The following KLHL13 variants were observed in gnomAD, a reference collection of about 807,000 sequenced individuals.
KLHL13 encodes the protein kelch like family member 13.
In KLHL13, 10 loss-of-function variants were observed where a neutral mutation model predicts 37.1. The observed-to-expected ratio is 0.27, with a 90% CI of 0.17 to 0.46. The LOEUF is 0.46. KLHL13 is among the 20% of genes least tolerant of loss of function. The pLI, the probability that KLHL13 is intolerant of heterozygous loss-of-function variation, is 1.00. For synonymous variants in KLHL13, 163 were observed against 181.2 expected, an observed-to-expected ratio of 0.90 and a Z score of 0.81; for missense variants, 360 against 509.3, an observed-to-expected ratio of 0.71 and a Z score of 2.82.
At chrX:117,987,343 T>C (rs991357436) in intron 1 of KLHL13, among the ~76,000 whole-genome samples, 2 of 111,465 alleles carry the variant, frequency 1.8e-5, no homozygotes, top group Non-Finnish European at 3.8e-5. Flanking sequence ...TGCTTGGGTA[T>C]AGAAGGTTTA....
rs145563655 is a variant in KLHL13, at chrX:117,917,389, G to A, written c.570+2132C>T. ...GAAGCCTCTTCTCCATTAGAAATAG[G>A]TTTTAGGATGTCTGCAAAGGATGCA... On this transcript the variant is annotated intron_variant, in intron 4 of 6. Coordinates refer to ENST00000262820, the Ensembl canonical transcript of KLHL13. 9.9e-3 allele frequency among the ~76,000 whole-genome samples: 1,013 copies of A among 102,091 alleles called. 3 individuals are homozygous for A. Among genetic ancestry groups the A allele is most frequent in the Middle Eastern group, 0.02 (4 of 203 alleles). The allele number at this position is 102,091 out of a possible 115,157, so 88.7% of individuals were successfully genotyped here.
chrX:118,017,897 A>G (rs2054145652), intron 1 of KLHL13, among the ~76,000 whole-genome samples: 1 of 111,752 alleles, frequency 8.9e-6, no homozygotes, highest in Admixed American at 9.5e-5. Flanking sequence ...TGGAAGACTG[A>G]AACTCTGTCA....
chrX:118,025,980 C>T (rs2054271267), intron 1 of KLHL13, among the ~76,000 whole-genome samples: 1 of 111,779 alleles, frequency 8.9e-6, no homozygotes, highest in South Asian at 3.8e-4. Context: ...GGATTCGGTA[C>T]TATCCTCAGT....
At chrX:117,999,460 G>A (rs930465798) in intron 1 of KLHL13, among the ~76,000 whole-genome samples, 8 of 110,322 alleles carry the variant, frequency 7.3e-5, no homozygotes, top group Non-Finnish European at 1.5e-4. Context: ...ACCAAATACC[G>A]CATGTTCTCA....
At chrX:117,972,969 G>C (rs41312749) in exon 1 of KLHL13, 1 of 1,073,023 alleles carries the variant, frequency 9.3e-7, no homozygotes. Context: ...CCCTTAAACC[G>C]ATGCTTCCAA....
intron 1 of KLHL13, among the ~76,000 whole-genome samples, chrX:117,965,019 G>GCCT (rs1171006731): frequency 2.7e-5 from 3 of 111,680 alleles, no homozygotes; most frequent in Non-Finnish European, 5.6e-5. Flanking sequence ...TCAAGTCTTT[G>GCCT]CTATTGTGAA....
chrX:118,057,065 G>T (rs775325216), intron 1 of KLHL13, among the ~76,000 whole-genome samples: 1 of 111,644 alleles, frequency 9.0e-6, no homozygotes, highest in Non-Finnish European at 1.9e-5. Context: ...AATCACAGCA[G>T]AACAAAGCTG....
At chrX:117,943,307 G>C (rs1410217236) in intron 2 of KLHL13, among the ~76,000 whole-genome samples, 2 of 110,643 alleles carry the variant, frequency 1.8e-5, no homozygotes, top group African/African-American at 6.6e-5. Flanking sequence ...ATGTGTTTTG[G>C]GGTTGCTCTT....
chrX:117,992,716 C>T (rs1047025962), intron 1 of KLHL13, among the ~76,000 whole-genome samples: 2 of 110,764 alleles, frequency 1.8e-5, no homozygotes, highest in African/African-American at 6.6e-5. Flanking sequence ...AGTTCTAAAT[C>T]AAGCTCTACC....
intron 1 of KLHL13, among the ~76,000 whole-genome samples, chrX:118,115,930 T>C (rs1478851389): frequency 8.9e-6 from 1 of 112,062 alleles, no homozygotes; most frequent in Non-Finnish European, 1.9e-5. Context: ...TCCAAGAAAA[T>C]CATTAGTCAA....
At chrX:118,018,333 C>G (rs148124606) in intron 1 of KLHL13, among the ~76,000 whole-genome samples, 1,319 of 111,763 alleles carry the variant, frequency 0.012, 20 homozygotes, top group African/African-American at 0.04. Context: ...TAGAAGAACT[C>G]ATCACTTTTC....
chrX:117,932,583 G>A (rs1052905057), intron 2 of KLHL13, among the ~76,000 whole-genome samples: 1 of 111,766 alleles, frequency 8.9e-6, no homozygotes, highest in Admixed American at 9.5e-5. Context: ...ATATATAGAT[G>A]TAGATATAAA....
At chrX:118,092,585 G>C (rs1389051151) in intron 1 of KLHL13, among the ~76,000 whole-genome samples, 1 of 111,794 alleles carries the variant, frequency 8.9e-6, no homozygotes, top group Admixed American at 9.5e-5. Context: ...TGATAAAAGA[G>C]GGTATCTTGG....
chrX:117,927,734 T>C (rs2147732537), intron 2 of KLHL13, among the ~76,000 whole-genome samples: 1 of 111,979 alleles, frequency 8.9e-6, no homozygotes, highest in South Asian at 3.7e-4. Flanking sequence ...CCCCAAAAGC[T>C]TACAGATCAT....
At chrX:117,903,179 CGAGAGAGA>C (rs56692141) in intron 5 of KLHL13, among the ~76,000 whole-genome samples, 2,685 of 92,302 alleles carry the variant, frequency 0.029, 103 homozygotes, top group African/African-American at 0.11. Flanking sequence ...GAGAGGAGAG[CGAGAGAGA>C]GAGAGAGAGA....
chrX:118,030,405 T>C (rs960358262), intron 1 of KLHL13, among the ~76,000 whole-genome samples: 2 of 112,178 alleles, frequency 1.8e-5, no homozygotes, highest in Non-Finnish European at 3.8e-5. Flanking sequence ...AAAATCTATA[T>C]CTAGATTACT....
chrX:117,949,937 A>C (rs759322498), intron 1 of KLHL13, among the ~76,000 whole-genome samples: 22 of 112,225 alleles, frequency 2.0e-4, no homozygotes, highest in Non-Finnish European at 3.4e-4. Context: ...CAACATCTTG[A>C]TACTGCTATG....
At chrX:117,997,134 A>AGTCTCGCTCTGTCGCCCAGGCT in intron 1 of KLHL13, among the ~76,000 whole-genome samples, 1 of 108,121 alleles carries the variant, frequency 9.2e-6, no homozygotes, top group African/African-American at 3.6e-5. Flanking sequence ...GTGATTTGAC[A>AGTCTCGCTCTGTCGCCCAGGCT]GGATACTTTG....
chrX:118,069,141 ACACACACC>A (rs914783119), intron 1 of KLHL13, among the ~76,000 whole-genome samples: 7 of 108,599 alleles, frequency 6.4e-5, no homozygotes, highest in African/African-American at 2.4e-4. Context: ...ACACACACAC[ACACACACC>A]CTCACCTGAA....
Sources: allele counts gnomAD v4.1 joint callset (sites outside exome capture counted in the v4.1 genomes callset), GRCh38; gene constraint gnomAD v4.1.1; transcripts MANE v1.5; gene names NCBI Gene and HGNC (gene_info 2026-07-23, HGNC 2026-07-21).